SUGCT: variants seen among roughly 807,000 people sequenced by gnomAD.
SUGCT encodes the protein succinyl-CoA:glutarate CoA-transferase.
A neutral mutation model predicts 55.0 loss-of-function variants in SUGCT; 41 were observed. The observed-to-expected ratio is 0.74, with a 90% CI of 0.58 to 0.97. SUGCT has a LOEUF of 0.97. SUGCT is among the 50% of genes least tolerant of loss of function. The pLI is 0.00. For missense variants in SUGCT, 568 were observed against 547.8 expected (o/e 1.04, Z -0.37); for synonymous variants, 187 against 200.4 (o/e 0.93, Z 0.56).
chr7:40,176,861 T>C (rs1441028164), intron 1 of SUGCT, among the ~76,000 whole-genome samples: 3 of 149,792 alleles, frequency 2.0e-5, no homozygotes, highest in Non-Finnish European at 4.4e-5. Flanking sequence ...TAATCCCAGC[T>C]ACTTGGGAGG....
At chr7:40,245,423 A>ATATTTTTTTTTTTTTTTTTTTTTTTTTT (rs1344678220) in intron 7 of SUGCT, among the ~76,000 whole-genome samples, 2 of 54,604 alleles carry the variant, frequency 3.7e-5, no homozygotes, top group Non-Finnish European at 3.3e-5. Context: ...ATATATATAT[A>ATATTTTTTTTTTTTTTTTTTTTTTTTTT]TTTTTTTTTT....
the SUGCT span, among the ~76,000 whole-genome samples, chr7:41,031,666 TC>T: frequency 6.6e-6 from 1 of 152,134 alleles, no homozygotes. Context: ...TTTCAAAATT[TC>T]CAGAAGGCCA....
intron 8 of SUGCT, among the ~76,000 whole-genome samples, chr7:40,294,274 A>T (rs532026178): frequency 1.3e-5 from 2 of 152,056 alleles, no homozygotes; most frequent in East Asian, 3.9e-4. Context: ...AGGCTTGATA[A>T]CTGTGTGGAT....
At chr7:40,475,463 G>T (rs1436777006) in intron 11 of SUGCT, among the ~76,000 whole-genome samples, 2 of 152,178 alleles carry the variant, frequency 1.3e-5, no homozygotes, top group Non-Finnish European at 2.9e-5. Flanking sequence ...TTTGTCCATA[G>T]TATATCCCTC....
intron 13 of SUGCT, among the ~76,000 whole-genome samples, chr7:40,760,196 G>A (rs117775991): frequency 5.6e-4 from 86 of 152,240 alleles, no homozygotes; most frequent in Admixed American, 1.0e-3. Context: ...CTGACCTGGG[G>A]CTGGTTTTAT....
intron 12 of SUGCT, among the ~76,000 whole-genome samples, chr7:40,678,783 A>G (rs746416791): frequency 1.2e-4 from 18 of 152,342 alleles, no homozygotes; most frequent in Admixed American, 2.6e-4. Context: ...CATGAAGAAA[A>G]TATAGGTAAT....
At chr7:40,575,799 G>C (rs570997814) in intron 12 of SUGCT, among the ~76,000 whole-genome samples, 38 of 152,180 alleles carry the variant, frequency 2.5e-4, no homozygotes, top group Non-Finnish European at 5.3e-4. Flanking sequence ...TACAGAATTA[G>C]CCGGGTGTGG....
intron 12 of SUGCT, among the ~76,000 whole-genome samples, chr7:40,594,900 A>G (rs1797921530): frequency 6.6e-6 from 1 of 152,178 alleles, no homozygotes; most frequent in Non-Finnish European, 1.5e-5. Context: ...TACGTTTAGA[A>G]TGAAGATGAG....
At chr7:40,577,274 A>G (rs924030899) in intron 12 of SUGCT, among the ~76,000 whole-genome samples, 1 of 152,124 alleles carries the variant, frequency 6.6e-6, no homozygotes, top group Non-Finnish European at 1.5e-5. Flanking sequence ...GCTAAAACTC[A>G]TGCATGTCTA....
At chr7:40,155,955 T>G (rs1031685114) in intron 1 of SUGCT, among the ~76,000 whole-genome samples, 1 of 150,888 alleles carries the variant, frequency 6.6e-6, no homozygotes, top group African/African-American at 2.4e-5. Context: ...CCTCCGGGGT[T>G]CAAGCCATTC....
chr7:40,606,887 A>C (rs1798558572), intron 12 of SUGCT, among the ~76,000 whole-genome samples: 1 of 152,198 alleles, frequency 6.6e-6, no homozygotes, highest in African/African-American at 2.4e-5. Flanking sequence ...GGCCTTGGAA[A>C]GGGAAAATGC....
chr7:40,984,929 CTGTT>C, the SUGCT span, among the ~76,000 whole-genome samples: 4 of 152,172 alleles, frequency 2.6e-5, 1 homozygote, highest in African/African-American at 4.8e-5. Flanking sequence ...TTTCTGCTGT[CTGTT>C]TGGTGATATG....
chr7:40,390,567 C>T (rs1785369597), intron 9 of SUGCT, among the ~76,000 whole-genome samples: 1 of 152,078 alleles, frequency 6.6e-6, no homozygotes, highest in Admixed American at 6.5e-5. Context: ...ACCTAGGAAT[C>T]CAAATTACAA....
intron 1 of SUGCT, among the ~76,000 whole-genome samples, chr7:40,158,923 T>C (rs1204491303): frequency 6.6e-6 from 1 of 152,166 alleles, no homozygotes; most frequent in Non-Finnish European, 1.5e-5. Flanking sequence ...CTTTTTAAAA[T>C]TGTATTTCTT....
At chr7:40,703,225 C>T (rs751584195) in intron 12 of SUGCT, among the ~76,000 whole-genome samples, 19 of 152,034 alleles carry the variant, frequency 1.2e-4, no homozygotes, top group Non-Finnish European at 1.6e-4. Context: ...CCACCATGCC[C>T]GGCTAATTTT....
At chr7:40,275,790 T>C (rs1483359376) in intron 8 of SUGCT, among the ~76,000 whole-genome samples, 1 of 152,182 alleles carries the variant, frequency 6.6e-6, no homozygotes, top group Non-Finnish European at 1.5e-5. Flanking sequence ...TTGTGCTAAA[T>C]ACTAAACTGG....
At chr7:40,384,382 C>A (rs1340668672) in intron 9 of SUGCT, among the ~76,000 whole-genome samples, 1 of 152,102 alleles carries the variant, frequency 6.6e-6, no homozygotes, top group African/African-American at 2.4e-5. Flanking sequence ...TATTAGTTCT[C>A]CTGTGAAGAG....
chr7:40,956,053 C>T, the SUGCT span, among the ~76,000 whole-genome samples: 1 of 152,152 alleles, frequency 6.6e-6, no homozygotes, highest in Admixed American at 6.5e-5. Flanking sequence ...AGAATTTTTG[C>T]ATCGATGTTC....
chr7:40,487,903 T>A (rs1791467963), intron 11 of SUGCT, among the ~76,000 whole-genome samples: 1 of 151,634 alleles, frequency 6.6e-6, no homozygotes, highest in Admixed American at 6.6e-5. Context: ...TCCTTAAAGA[T>A]GAAGGGAGTC....
Sources: allele counts gnomAD v4.1 joint callset (sites outside exome capture counted in the v4.1 genomes callset), GRCh38; gene constraint gnomAD v4.1.1; transcripts MANE v1.5; gene names NCBI Gene and HGNC (gene_info 2026-07-23, HGNC 2026-07-21).